The following SRBD1 variants were observed in gnomAD, a reference collection of about 807,000 sequenced individuals.
SRBD1 encodes the protein S1 RNA-binding domain-containing protein 1.
A neutral mutation model predicts 115.3 loss-of-function variants in SRBD1; 88 were observed. The ratio of observed to expected loss-of-function variants is 0.76; its 90% confidence interval spans 0.64 to 0.91. The LOEUF (loss-of-function observed/expected upper bound fraction) is 0.91. Ranked by LOEUF, SRBD1 falls within the 40% of genes least tolerant of loss-of-function variation. The pLI is 0.00. For missense variants in SRBD1, 1,385 were observed against 1,177.4 expected (o/e 1.18, Z -2.58); for synonymous variants, 509 against 407.7 (o/e 1.25, Z -2.99).
intron 5 of SRBD1, among the ~76,000 whole-genome samples, chr2:45,582,682 G>C (rs886315380): frequency 2.6e-5 from 4 of 152,062 alleles, no homozygotes; most frequent in Non-Finnish European, 5.9e-5. Context: ...CTTCAAGCTA[G>C]CTTCTGTGTC....
intron 14 of SRBD1, among the ~76,000 whole-genome samples, chr2:45,519,611 G>A (rs992138972): frequency 4.6e-5 from 7 of 151,922 alleles, no homozygotes; most frequent in African/African-American, 1.7e-4. Context: ...CAGTAATTCC[G>A]ACAACTGCAG....
At chr2:45,500,944 G>T (rs1007747749) in intron 14 of SRBD1, among the ~76,000 whole-genome samples, 1 of 152,106 alleles carries the variant, frequency 6.6e-6, no homozygotes, top group African/African-American at 2.4e-5. Context: ...GGGAAAGTAG[G>T]CATACTTGTC....
intron 14 of SRBD1, among the ~76,000 whole-genome samples, chr2:45,509,421 C>G (rs1027057609): frequency 6.6e-6 from 1 of 151,964 alleles, no homozygotes; most frequent in Non-Finnish European, 1.5e-5. Context: ...ACAGTGAAAC[C>G]CCATCTCTAC....
intron 14 of SRBD1, among the ~76,000 whole-genome samples, chr2:45,542,314 A>T (rs1671968422): frequency 6.6e-6 from 1 of 152,216 alleles, no homozygotes; most frequent in African/African-American, 2.4e-5. Context: ...GGGAGAGGCC[A>T]GGGAGGTGGA....
chr2:45,446,755 A>G (rs6738398), intron 16 of SRBD1, among the ~76,000 whole-genome samples: 120,134 of 151,642 alleles, frequency 0.79, 48,225 homozygotes, highest in African/African-American at 0.89. Context: ...CAAACTTCCA[A>G]AAATTAAAAA....
chr2:45,482,035 G>A (rs1669982120), intron 15 of SRBD1, among the ~76,000 whole-genome samples: 1 of 152,118 alleles, frequency 6.6e-6, no homozygotes. Context: ...AAACTAGACG[G>A]TGGTGATAGT....
At chr2:45,430,555 A>G (rs1290909246) in intron 16 of SRBD1, among the ~76,000 whole-genome samples, 1 of 152,216 alleles carries the variant, frequency 6.6e-6, no homozygotes, top group African/African-American at 2.4e-5. Context: ...AGGATTTCCT[A>G]TTTAATAAAT....
At chr2:45,470,793 T>C (rs1461499209) in intron 16 of SRBD1, among the ~76,000 whole-genome samples, 1 of 149,018 alleles carries the variant, frequency 6.7e-6, no homozygotes, top group Non-Finnish European at 1.5e-5. Context: ...TAGGGATATG[T>C]TGTCATTTGA....
At chr2:45,405,785 T>A (rs1048496414) in intron 19 of SRBD1, among the ~76,000 whole-genome samples, 1 of 152,098 alleles carries the variant, frequency 6.6e-6, no homozygotes, top group Non-Finnish European at 1.5e-5. Context: ...GTTGAGAGAA[T>A]AATTTCAGAA....
intron 16 of SRBD1, among the ~76,000 whole-genome samples, chr2:45,464,752 T>C (rs1669428863): frequency 6.6e-6 from 1 of 152,090 alleles, no homozygotes; most frequent in Admixed American, 6.5e-5. Flanking sequence ...GTGTTCCAGA[T>C]CACAGAATGT....
intron 16 of SRBD1, among the ~76,000 whole-genome samples, chr2:45,445,093 G>C (rs1198238732): frequency 6.6e-6 from 1 of 152,164 alleles, no homozygotes; most frequent in Non-Finnish European, 1.5e-5. Flanking sequence ...AGCATCTAAA[G>C]TTTCAGGCAT....
At chr2:45,560,757 CT>C (rs1672636132) in intron 10 of SRBD1, among the ~76,000 whole-genome samples, 1 of 152,084 alleles carries the variant, frequency 6.6e-6, no homozygotes. Flanking sequence ...TACATTTCCT[CT>C]TTCCTTTCAT....
intron 9 of SRBD1, among the ~76,000 whole-genome samples, chr2:45,571,071 G>T (rs1672991024): frequency 6.6e-6 from 1 of 152,120 alleles, no homozygotes; most frequent in South Asian, 2.1e-4. Flanking sequence ...AGGGCTAGGT[G>T]TATGCTCTGA....
intron 16 of SRBD1, among the ~76,000 whole-genome samples, chr2:45,424,741 G>A (rs1199103867): frequency 1.3e-5 from 2 of 152,126 alleles, no homozygotes; most frequent in Non-Finnish European, 2.9e-5. Context: ...TTCCTAGTGT[G>A]TCAAAATCAA....
chr2:45,596,633 T>A (rs184420406), intron 4 of SRBD1, among the ~76,000 whole-genome samples: 1 of 152,158 alleles, frequency 6.6e-6, no homozygotes, highest in Non-Finnish European at 1.5e-5. Flanking sequence ...GGTTAACCCA[T>A]TGCATCTACT....
intron 14 of SRBD1, among the ~76,000 whole-genome samples, chr2:45,532,005 GCCT>G (rs1671628424): frequency 6.6e-6 from 1 of 151,704 alleles, no homozygotes; most frequent in Non-Finnish European, 1.5e-5. Flanking sequence ...CAAGATGAGT[GCCT>G]CCTCCTCTTA....
intron 16 of SRBD1, among the ~76,000 whole-genome samples, chr2:45,422,613 A>C (rs1668039114): frequency 6.6e-6 from 1 of 152,246 alleles, no homozygotes; most frequent in South Asian, 2.1e-4. Flanking sequence ...TAAATTGGTC[A>C]GGAATAGGTA....
chr2:45,413,458 T>G (rs1218592653), intron 18 of SRBD1, among the ~76,000 whole-genome samples, 165 bp from the exon 19 acceptor site: 2 of 152,206 alleles, frequency 1.3e-5, no homozygotes, highest in African/African-American at 4.8e-5. Context: ...TTTAAATCAC[T>G]GGGAAAAGGG....
intron 9 of SRBD1, among the ~76,000 whole-genome samples, chr2:45,564,882 A>T (rs1279187522): frequency 2.6e-5 from 4 of 152,358 alleles, no homozygotes; most frequent in African/African-American, 9.6e-5. Flanking sequence ...GCATATACAT[A>T]GATTTGGGTA....
Sources: gnomAD v4.1 joint callset for allele counts (sites outside exome capture counted in the v4.1 genomes callset) on GRCh38, gnomAD v4.1.1 for gene constraint, MANE v1.5 for transcripts, NCBI Gene and HGNC (gene_info 2026-07-23, HGNC 2026-07-21) for gene names.